The following OSTF1 variants were observed in gnomAD, a reference collection of about 807,000 sequenced individuals.
OSTF1 encodes the protein osteoclast-stimulating factor 1.
A neutral mutation model predicts 37.2 loss-of-function variants in OSTF1; 27 were observed. The ratio of observed to expected loss-of-function variants is 0.73; its 90% CI spans 0.54 to 1.00. The LOEUF (loss-of-function observed/expected upper bound fraction) is 1.00, where lower values mean the gene tolerates loss of function less well. Among genes scored for constraint, OSTF1 ranks in the 50% least tolerant of loss-of-function variants. The probability of loss-of-function intolerance (pLI) is 0.00; values close to 1 mark genes in which losing one functional copy is unlikely to be tolerated. For missense variants in OSTF1, 232 were observed against 253.8 expected (o/e 0.91, Z 0.58); for synonymous variants, 82 against 89.2 (o/e 0.92, Z 0.46).
intron 9 of OSTF1, among the ~76,000 whole-genome samples, chr9:75,143,130 G>A (rs1825969311): frequency 6.6e-6 from 1 of 152,022 alleles, no homozygotes; most frequent in East Asian, 1.9e-4. Context: ...ATCAGAGATG[G>A]GGTTTCACCT....
Position 75,134,320 on chromosome 9 carries a change from A to G in OSTF1, c.359-26A>G, listed in dbSNP as rs200840368. 7.9e-4 allele frequency: 1,019 copies of G among 1,289,636 alleles called. 13 individuals are homozygous for G. In the South Asian group the frequency reaches 9.7e-3, roughly 12 times the overall value. The allele number at this position is 1,289,636 out of a possible 1,614,324, so 79.9% of individuals were successfully genotyped here. On this transcript the variant is annotated intron_variant, in intron 6 of 9. Transcript: ENST00000346234. ...CAGGCTTCTAATTTTCGTTCTTAAA[A>G]GGTATCTTTTCTCTTTGAATTTCAG... is the stretch of plus-strand genomic sequence containing the variant.
chr9:75,116,168 A>G (rs546303152), intron 1 of OSTF1, among the ~76,000 whole-genome samples: 39 of 152,192 alleles, frequency 2.6e-4, no homozygotes, highest in African/African-American at 9.1e-4. Flanking sequence ...ATAACTATTT[A>G]CATAGTATGT....
chr9:75,109,703 GA>G (rs1445011888), intron 1 of OSTF1, among the ~76,000 whole-genome samples: 1 of 152,134 alleles, frequency 6.6e-6, no homozygotes, highest in East Asian at 1.9e-4. Context: ...AAGATGACCG[GA>G]AGGGATTTCT....
intron 5 of OSTF1, among the ~76,000 whole-genome samples, chr9:75,133,011 A>ACC (rs1348740236): frequency 2.1e-4 from 6 of 28,020 alleles, no homozygotes; most frequent in East Asian, 1.4e-3. Flanking sequence ...ACACACACAC[A>ACC]CCCCTATATA....
chr9:75,119,576 T>C (rs1044989602), intron 2 of OSTF1, among the ~76,000 whole-genome samples: 1 of 152,232 alleles, frequency 6.6e-6, no homozygotes, highest in South Asian at 2.1e-4. Flanking sequence ...TGGTTTCTTC[T>C]GAGGCCTTGC....
intron 2 of OSTF1, among the ~76,000 whole-genome samples, chr9:75,120,621 A>T (rs561244751): frequency 6.6e-6 from 1 of 151,842 alleles, no homozygotes; most frequent in Non-Finnish European, 1.5e-5. Context: ...TTGCTTCCTC[A>T]TGACCTGGTT....
chr9:75,106,132 G>A (rs1329884674), intron 1 of OSTF1, among the ~76,000 whole-genome samples: 1 of 152,180 alleles, frequency 6.6e-6, no homozygotes, highest in South Asian at 2.1e-4. Context: ...TGGTGTTAGA[G>A]AGAGGAGGGA....
At chr9:75,092,697 TTTC>T (rs1184958423) in intron 1 of OSTF1, among the ~76,000 whole-genome samples, 8 of 152,224 alleles carry the variant, frequency 5.3e-5, no homozygotes, top group Non-Finnish European at 8.8e-5. Context: ...TTCAGGTTTC[TTTC>T]TTCTTCACAT....
At position 75,140,811 on chromosome 9, in the gene OSTF1, T is replaced by C. The variant is rs568516808; in HGVS notation, c.488-23T>C. 2.8e-5 allele frequency: 44 copies of C among 1,570,282 alleles called. No homozygotes were observed. The South Asian group carries it at 4.2e-4, about 15-fold the overall frequency. On this transcript the variant is annotated intron_variant, in intron 8 of 9. Transcript: ENST00000346234. ...CTATATAGTCTTCAAAGACACCTAA[T>C]TGACTTTTCTTGTGTTGGGAAGGTG...
At chr9:75,095,498 A>G (rs1564152497) in intron 1 of OSTF1, among the ~76,000 whole-genome samples, 1 of 152,166 alleles carries the variant, frequency 6.6e-6, no homozygotes, top group Non-Finnish European at 1.5e-5. Context: ...CCCAATGCTG[A>G]GTAAGAGTTT....
In OSTF1 at chr9:75,123,245, C is replaced by T. The variant is rs151167656; in HGVS notation, c.82-4324C>T. Among the ~76,000 whole-genome samples, 1,468 of 152,272 alleles carry T rather than the reference C, an allele frequency of 9.6e-3. 13 individuals carry two copies. The highest frequency in any genetic ancestry group is 0.034 in the African/African-American group (1,393 of 41,564). On this transcript the variant is annotated intron_variant, in intron 2 of 9. Transcript: ENST00000346234. ...GACCATCCTGGCTAACACGGTGAAA[C>T]CCCGTCTCTACTAAAAATACAAAAA...
intron 8 of OSTF1, among the ~76,000 whole-genome samples, chr9:75,137,915 A>G (rs1280047979): frequency 4.6e-5 from 7 of 152,202 alleles, no homozygotes; most frequent in Non-Finnish European, 1.0e-4. Context: ...CAAAGAATGT[A>G]TGTGTACACG....
chr9:75,130,677 T>A, intron 4 of OSTF1, 36 bp downstream of exon 4: 1 of 1,451,768 alleles, frequency 6.9e-7, no homozygotes, highest in Non-Finnish European at 9.7e-7. Flanking sequence ...TTAGCTTCGT[T>A]CACTTGGAAT....
chr9:75,139,923 A>G (rs1482290312), intron 8 of OSTF1, among the ~76,000 whole-genome samples: 1 of 152,204 alleles, frequency 6.6e-6, no homozygotes, highest in African/African-American at 2.4e-5. Context: ...GTGAACAAAG[A>G]TGTTGTTCAA....
At chr9:75,107,153 AC>A (rs1825302599) in intron 1 of OSTF1, among the ~76,000 whole-genome samples, 1 of 149,352 alleles carries the variant, frequency 6.7e-6, no homozygotes, top group African/African-American at 2.6e-5. Context: ...GTTTTCTGTC[AC>A]CCCAAGAATA....
chr9:75,093,250 A>G (rs1304397660), intron 1 of OSTF1, among the ~76,000 whole-genome samples: 1 of 152,112 alleles, frequency 6.6e-6, no homozygotes, highest in Admixed American at 6.6e-5. Flanking sequence ...TTTTACACAT[A>G]TAGCATTTAT....
At chr9:75,103,827 G>A (rs1326668091) in intron 1 of OSTF1, among the ~76,000 whole-genome samples, 1 of 152,138 alleles carries the variant, frequency 6.6e-6, no homozygotes, top group Non-Finnish European at 1.5e-5. Flanking sequence ...TGTAGACAAG[G>A]TCTTGTTGTG....
intron 1 of OSTF1, among the ~76,000 whole-genome samples, chr9:75,100,551 G>A (rs866856569): frequency 1.3e-5 from 2 of 152,028 alleles, no homozygotes; most frequent in Non-Finnish European, 2.9e-5. Context: ...CCAACATGGC[G>A]AAACCCTGTC....
At chr9:75,104,787 TCAGTCCCTGGGTGC>T (rs1201735294) in intron 1 of OSTF1, among the ~76,000 whole-genome samples, 1 of 152,142 alleles carries the variant, frequency 6.6e-6, no homozygotes, top group Non-Finnish European at 1.5e-5. Context: ...TCAGTGTCAT[TCAGTCCCTGGGTGC>T]CAGAATTAAA....
Sources: gnomAD v4.1 joint callset for allele counts (sites outside exome capture counted in the v4.1 genomes callset) on GRCh38, gnomAD v4.1.1 for gene constraint, MANE v1.5 for transcripts, NCBI Gene and HGNC (gene_info 2026-07-23, HGNC 2026-07-21) for gene names.